Variants in THRB observed in about 807,000 individuals in gnomAD.
The protein encoded by THRB is thyroid hormone receptor beta.
Under a neutral mutation model 47.8 loss-of-function variants are expected in THRB, and 12 were observed. The observed-to-expected ratio is 0.25, with a 90% CI of 0.16 to 0.41. THRB has a LOEUF of 0.41. Among genes scored for constraint, THRB ranks in the 10% least tolerant of loss-of-function variants. THRB has a pLI of 1.00. For synonymous variants in THRB, 218 were observed against 212.2 expected (o/e 1.03, Z -0.24); for missense variants, 348 against 589.2 (o/e 0.59, Z 4.24).
intron 1 of THRB, among the ~76,000 whole-genome samples, chr3:24,489,793 A>G (rs1461410204): frequency 6.6e-6 from 1 of 152,190 alleles, no homozygotes; most frequent in Non-Finnish European, 1.5e-5. Context: ...ATGGAAATAT[A>G]TTACTTGTGA....
chr3:24,261,579 C>T lies in THRB; in HGVS notation c.-42-32578G>A, dbSNP rs2052034609. 2.6e-5 allele frequency among the ~76,000 whole-genome samples: 4 copies of T among 152,132 alleles called. No individual in the cohort carries two copies. The South Asian group carries it at 8.3e-4, about 32-fold the overall frequency. On this transcript the variant is annotated intron_variant, in intron 3 of 10. Coordinates refer to ENST00000646209, the MANE Select transcript of THRB (RefSeq NM_001354712.2). ...AGCTTCCACTCCATTTCCCTGCTCC[C>T]CTTTAGAGCAAAGGAGTTGTCCTTA...
intron 1 of THRB, among the ~76,000 whole-genome samples, chr3:24,476,004 A>T (rs1695400266): frequency 6.6e-6 from 1 of 152,266 alleles, no homozygotes; most frequent in Non-Finnish European, 1.5e-5. Flanking sequence ...CTGAGGGCAC[A>T]GTTGGGAAGC....
At chr3:24,299,738 G>A (rs536233223) in intron 2 of THRB, among the ~76,000 whole-genome samples, 1 of 145,092 alleles carries the variant, frequency 6.9e-6, no homozygotes, top group African/African-American at 2.6e-5. Context: ...GAAATTCCAG[G>A]AAGCCTTGAG....
chr3:24,379,385 G>A (rs1291794894), intron 1 of THRB, among the ~76,000 whole-genome samples: 1 of 152,078 alleles, frequency 6.6e-6, no homozygotes, highest in East Asian at 1.9e-4. Context: ...AGAGTCAAGG[G>A]TACAAAATCT....
chr3:24,327,920 G>A (rs116456644), intron 2 of THRB, among the ~76,000 whole-genome samples: 3,842 of 151,988 alleles, frequency 0.025, 81 homozygotes, highest in African/African-American at 0.058. Flanking sequence ...TGGACAAAGA[G>A]ATAATATCCT....
chr3:24,227,869 T>C (rs977350882), intron 4 of THRB, among the ~76,000 whole-genome samples: 1 of 152,182 alleles, frequency 6.6e-6, no homozygotes, highest in Non-Finnish European at 1.5e-5. Context: ...AGTGGTGGAC[T>C]TGCTGCTAGG....
At chr3:24,153,129 CT>C (rs1316185639) in intron 5 of THRB, among the ~76,000 whole-genome samples, 2 of 152,034 alleles carry the variant, frequency 1.3e-5, no homozygotes, top group Non-Finnish European at 2.9e-5. Context: ...TTTAACAAGG[CT>C]TATTTCAAAA....
At chr3:24,165,406 G>T (rs1385411177) in intron 5 of THRB, 1 of 717,986 alleles carries the variant, frequency 1.4e-6, no homozygotes, top group Non-Finnish European at 2.5e-6. Flanking sequence ...GTCTACGCAT[G>T]CATTCTCCAG....
At chr3:24,155,241 A>T (rs936164254) in intron 5 of THRB, among the ~76,000 whole-genome samples, 1 of 152,030 alleles carries the variant, frequency 6.6e-6, no homozygotes, top group Non-Finnish European at 1.5e-5. Flanking sequence ...GGTGTGCTTT[A>T]CTCTCTTATT....
chr3:24,365,680 A>T (rs1041991732), intron 1 of THRB, among the ~76,000 whole-genome samples: 5 of 152,156 alleles, frequency 3.3e-5, no homozygotes, highest in African/African-American at 4.8e-5. Context: ...TAGAAACCTT[A>T]ATTTTATTTT....
intron 1 of THRB, among the ~76,000 whole-genome samples, chr3:24,385,751 G>A (rs2066047872): frequency 1.3e-5 from 2 of 152,084 alleles, no homozygotes. Context: ...TACCATCAAT[G>A]GGAAGGCAGG....
At chr3:24,162,751 A>G (rs893926912) in intron 5 of THRB, among the ~76,000 whole-genome samples, 1 of 151,814 alleles carries the variant, frequency 6.6e-6, no homozygotes, top group African/African-American at 2.4e-5. Context: ...TCTAAAGTCT[A>G]CCAATTAAGA....
intron 4 of THRB, among the ~76,000 whole-genome samples, chr3:24,218,048 C>T (rs919129532): frequency 2.6e-5 from 4 of 152,156 alleles, no homozygotes; most frequent in African/African-American, 9.6e-5. Context: ...AGGTGGATCA[C>T]GAGGTCAGGA....
At chr3:24,201,027 A>G (rs1185642345) in intron 4 of THRB, among the ~76,000 whole-genome samples, 3 of 152,154 alleles carry the variant, frequency 2.0e-5, no homozygotes, top group African/African-American at 7.2e-5. Flanking sequence ...CCAACAGTAA[A>G]GAGGGGAGAA....
chr3:24,295,746 G>A (rs2056392170), intron 3 of THRB, among the ~76,000 whole-genome samples: 1 of 152,126 alleles, frequency 6.6e-6, no homozygotes, highest in South Asian at 2.1e-4. Flanking sequence ...TGGGTCTCAG[G>A]TCTAGGCCAA....
intron 3 of THRB, among the ~76,000 whole-genome samples, chr3:24,230,967 G>C (rs563669260): frequency 5.5e-4 from 84 of 152,334 alleles, no homozygotes; most frequent in African/African-American, 2.0e-3. Context: ...GAAGGTGAGA[G>C]AGAGGATCCA....
intron 1 of THRB, among the ~76,000 whole-genome samples, chr3:24,414,533 A>C (rs2068585767): frequency 6.6e-6 from 1 of 151,918 alleles, no homozygotes; most frequent in East Asian, 1.9e-4. Flanking sequence ...AGCCATCCGG[A>C]CATAGCCAAA....
chr3:24,189,883 C>G, intron 5 of THRB, 191 bp downstream of exon 5: 1 of 611,320 alleles, frequency 1.6e-6, no homozygotes, highest in East Asian at 2.9e-5. Flanking sequence ...AGCTGCCTTT[C>G]TTTGGATTCC....
At chr3:24,262,841 A>G (rs1303484466) in intron 3 of THRB, among the ~76,000 whole-genome samples, 3 of 151,580 alleles carry the variant, frequency 2.0e-5, no homozygotes. Context: ...TGAGGAAGGG[A>G]TTTTTTTATT....
Sources: gnomAD v4.1 joint callset for allele counts (sites outside exome capture counted in the v4.1 genomes callset) on GRCh38, gnomAD v4.1.1 for gene constraint, MANE v1.5 for transcripts, NCBI Gene and HGNC (gene_info 2026-07-23, HGNC 2026-07-21) for gene names.